The following ESR1 variants were observed in gnomAD, a reference collection of about 807,000 sequenced individuals.
ESR1 encodes the protein estrogen receptor.
ESR1 carries 12 observed loss-of-function variants against 52.7 expected under a neutral mutation model. The ratio of observed to expected loss-of-function variants is 0.23; its 90% confidence interval spans 0.15 to 0.37. ESR1 has a LOEUF of 0.37. Ranked by LOEUF, ESR1 falls within the 10% of genes least tolerant of loss-of-function variation. The pLI is 1.00. For synonymous variants in ESR1, 305 were observed against 316.8 expected, an observed-to-expected ratio of 0.96 and a Z score of 0.39; for missense variants, 584 against 779.7, an observed-to-expected ratio of 0.75 and a Z score of 2.99.
At chr6:151,711,370 C>T (rs1358930599) in intron 2 of ESR1, among the ~76,000 whole-genome samples, 5 of 152,036 alleles carry the variant, frequency 3.3e-5, no homozygotes, top group African/African-American at 9.7e-5. Context: ...TACAGGCGCC[C>T]GCCATCATGC....
rs139561513 is a variant in ESR1, at chr6:152,068,323, T to C, written c.1369+7199T>C. Among the ~76,000 whole-genome samples the C allele has an allele frequency of 3.7e-3, 560 of 152,364 alleles. 3 individuals carry two copies. Among genetic ancestry groups the C allele is most frequent in the Non-Finnish European group, 5.3e-3 (358 of 68,030 alleles). ...AATATAACTGCTAGATTCTAAGGCA[T>C]TCATAAGCATCTGTGAAAAATGTGT... is the stretch of plus-strand genomic sequence containing the variant. On this transcript the variant is annotated intron_variant, in intron 6 of 7. Transcript: ENST00000206249.
chr6:152,051,936 G>A (rs938944283), intron 5 of ESR1, among the ~76,000 whole-genome samples: 7 of 152,160 alleles, frequency 4.6e-5, no homozygotes, highest in South Asian at 2.1e-4. Flanking sequence ...AGCAGGGGCC[G>A]TGGTCGGGGC....
chr6:151,856,278 T>C (rs1204116450), intron 2 of ESR1, among the ~76,000 whole-genome samples: 1 of 152,208 alleles, frequency 6.6e-6, no homozygotes, highest in Admixed American at 6.5e-5. Flanking sequence ...TTTATTATGA[T>C]ATGAAGGGAA....
At chr6:151,728,160 T>C (rs1781979935) in intron 2 of ESR1, among the ~76,000 whole-genome samples, 1 of 152,162 alleles carries the variant, frequency 6.6e-6, no homozygotes, top group Non-Finnish European at 1.5e-5. Context: ...CTCCCTCTTA[T>C]GTGGCAGGGG....
At chr6:151,838,424 G>A (rs1015688258) in intron 1 of ESR1, among the ~76,000 whole-genome samples, 1 of 152,124 alleles carries the variant, frequency 6.6e-6, no homozygotes, top group Non-Finnish European at 1.5e-5. Flanking sequence ...GCCCAGATTG[G>A]TGCCTGACCC....
intron 2 of ESR1, among the ~76,000 whole-genome samples, chr6:151,714,727 G>A (rs1056899441): frequency 2.6e-5 from 4 of 152,152 alleles, no homozygotes; most frequent in African/African-American, 7.2e-5. Flanking sequence ...GAGCCTATGT[G>A]TATCTTTGCA....
chr6:151,769,140 G>C (rs978769113), intron 2 of ESR1, among the ~76,000 whole-genome samples: 1 of 152,150 alleles, frequency 6.6e-6, no homozygotes, highest in Admixed American at 6.5e-5. Context: ...TAGCAGAATT[G>C]TCAGTCGTTT....
intron 2 of ESR1, among the ~76,000 whole-genome samples, chr6:151,797,424 T>G (rs1400628020): frequency 6.6e-6 from 1 of 152,256 alleles, no homozygotes; most frequent in Non-Finnish European, 1.5e-5. Flanking sequence ...AGACTTAAAC[T>G]TTTGGGTATT....
intron 2 of ESR1, among the ~76,000 whole-genome samples, chr6:151,788,807 A>G (rs764603243): frequency 1.3e-5 from 2 of 152,214 alleles, no homozygotes; most frequent in African/African-American, 4.8e-5. Context: ...TTTCAGGAAC[A>G]TGGAAGGAGC....
At chr6:151,749,108 A>G (rs996819563) in intron 2 of ESR1, among the ~76,000 whole-genome samples, 2 of 151,870 alleles carry the variant, frequency 1.3e-5, no homozygotes, top group African/African-American at 2.4e-5. Context: ...ATTATACAAT[A>G]AGCTGTGTAT....
intron 6 of ESR1, among the ~76,000 whole-genome samples, chr6:152,071,904 A>C (rs1242802610): frequency 1.3e-5 from 2 of 152,102 alleles, no homozygotes; most frequent in African/African-American, 4.8e-5. Flanking sequence ...AAAAGGGTAT[A>C]AACATTTTTA....
chr6:151,869,844 G>A (rs1790643390), intron 2 of ESR1, among the ~76,000 whole-genome samples: 1 of 152,076 alleles, frequency 6.6e-6, no homozygotes, highest in African/African-American at 2.4e-5. Flanking sequence ...TCTCTTGGAG[G>A]TGGTGGTTGT....
chr6:151,991,902 G>A (rs967247435), intron 4 of ESR1, among the ~76,000 whole-genome samples: 2 of 151,964 alleles, frequency 1.3e-5, no homozygotes, highest in African/African-American at 2.4e-5. Flanking sequence ...CACTCATCTC[G>A]TCGCAGACAT....
intron 6 of ESR1, among the ~76,000 whole-genome samples, chr6:152,062,662 A>G (rs1280310140): frequency 6.6e-6 from 1 of 152,200 alleles, no homozygotes; most frequent in Non-Finnish European, 1.5e-5. Flanking sequence ...ACATGGTGCC[A>G]GGTCCTGAAC....
chr6:152,124,316 GAT>G (rs10583925), intron 6 of ESR1, among the ~76,000 whole-genome samples: 35,131 of 152,006 alleles, frequency 0.23, 4,196 homozygotes, highest in African/African-American at 0.3. Context: ...CTCAAAAACA[GAT>G]ATTGGTTCTG....
intron 2 of ESR1, among the ~76,000 whole-genome samples, chr6:151,732,532 G>T (rs983536149): frequency 1.4e-5 from 2 of 142,922 alleles, no homozygotes; most frequent in African/African-American, 5.6e-5. Flanking sequence ...ATGTGTGTGT[G>T]TTTGTGTGTG....
intron 2 of ESR1, among the ~76,000 whole-genome samples, chr6:151,764,226 T>G (rs1402086327): frequency 3.3e-5 from 5 of 152,184 alleles, no homozygotes; most frequent in Admixed American, 2.6e-4. Flanking sequence ...ACCCTATCTT[T>G]GTGTGGGCAT....
chr6:151,851,253 C>T (rs1197035321), intron 2 of ESR1, among the ~76,000 whole-genome samples: 1 of 152,088 alleles, frequency 6.6e-6, no homozygotes, highest in African/African-American at 2.4e-5. Flanking sequence ...TTCTTCGAAC[C>T]CTAATCAAAA....
At chr6:152,124,976 T>C (rs996316785) in intron 6 of ESR1, among the ~76,000 whole-genome samples, 6 of 152,212 alleles carry the variant, frequency 3.9e-5, no homozygotes, top group Admixed American at 2.6e-4. Flanking sequence ...TGTGTACTTA[T>C]TAACTTCATT....
Sources: gnomAD v4.1 joint callset for allele counts (sites outside exome capture counted in the v4.1 genomes callset) on GRCh38, gnomAD v4.1.1 for gene constraint, MANE v1.5 for transcripts, NCBI Gene and HGNC (gene_info 2026-07-23, HGNC 2026-07-21) for gene names.